VIPR2: variants seen among roughly 807,000 people sequenced by gnomAD.
VIPR2 encodes vasoactive intestinal peptide receptor 2.
In VIPR2, 48 loss-of-function variants were observed where a neutral mutation model predicts 58.0. That is an observed-to-expected ratio of 0.83 (90% CI 0.66 to 1.05). The LOEUF (loss-of-function observed/expected upper bound fraction) is 1.05, where lower values mean the gene tolerates loss of function less well. VIPR2 is among the 50% of genes least tolerant of loss of function. The probability of loss-of-function intolerance (pLI) is 0.00; values close to 1 mark genes in which losing one functional copy is unlikely to be tolerated. For synonymous variants in VIPR2, 243 were observed against 235.2 expected (o/e 1.03, Z -0.30); for missense variants, 534 against 558.0 (o/e 0.96, Z 0.43).
intron 4 of VIPR2, among the ~76,000 whole-genome samples, chr7:159,060,664 T>C (rs2129494086): frequency 6.7e-6 from 1 of 150,266 alleles, no homozygotes; most frequent in African/African-American, 2.5e-5. Context: ...ATGGAACCCA[T>C]CTTCACCTCA....
chr7:159,045,985 G>A (rs1294784018), intron 5 of VIPR2, among the ~76,000 whole-genome samples: 1 of 151,366 alleles, frequency 6.6e-6, no homozygotes, highest in Non-Finnish European at 1.5e-5. Context: ...TATACAAATG[G>A]TCAATAAGCA....
intron 2 of VIPR2, among the ~76,000 whole-genome samples, chr7:159,115,724 C>T (rs1418678036): frequency 6.6e-6 from 1 of 152,246 alleles, no homozygotes; most frequent in Non-Finnish European, 1.5e-5. Flanking sequence ...AGATCACGCC[C>T]CTGACGTGCT....
rs535629140 is a variant in VIPR2, at chr7:159,065,899, G to A, written c.358-7321C>T. Among the ~76,000 whole-genome samples the A allele has an allele frequency of 2.0e-5, 3 of 152,232 alleles. No homozygotes were observed. In the East Asian group the frequency reaches 5.8e-4, roughly 29 times the overall value. On this transcript the variant is annotated intron_variant, in intron 4 of 12. Transcript: ENST00000262178. ...TAGGGAATGAAAGAAGCCACACAGA[G>A]CACAGAGCTGTGAGGTTTGACCTCC...
chr7:159,086,612 G>A (rs1450638900), intron 4 of VIPR2, among the ~76,000 whole-genome samples: 1 of 152,216 alleles, frequency 6.6e-6, no homozygotes, highest in Non-Finnish European at 1.5e-5. Flanking sequence ...TTCTTTCCAG[G>A]GATGCTCTTC....
At chr7:159,143,363 T>C (rs2129498635) in intron 1 of VIPR2, among the ~76,000 whole-genome samples, 1 of 151,914 alleles carries the variant, frequency 6.6e-6, no homozygotes, top group South Asian at 2.1e-4. Context: ...TTGGTCTTGA[T>C]CTTCCCCCTC....
At chr7:159,054,107 C>G (rs1428483204) in intron 5 of VIPR2, among the ~76,000 whole-genome samples, 1 of 152,172 alleles carries the variant, frequency 6.6e-6, no homozygotes, top group East Asian at 1.9e-4. Flanking sequence ...AGAAGCATTG[C>G]AGGCCATAGA....
At chr7:159,062,627 T>A (rs1855763036) in intron 4 of VIPR2, among the ~76,000 whole-genome samples, 1 of 152,124 alleles carries the variant, frequency 6.6e-6, no homozygotes, top group African/African-American at 2.4e-5. Flanking sequence ...CTAGTGAGTA[T>A]TACAGCTCAT....
At chr7:159,144,573 G>A in intron 1 of VIPR2, 148 bp downstream of exon 1, 1 of 1,412,286 alleles carries the variant, frequency 7.1e-7, no homozygotes, top group Non-Finnish European at 9.3e-7. Flanking sequence ...GGAAGCTCCG[G>A]ACCCCGGGCG....
intron 4 of VIPR2, among the ~76,000 whole-genome samples, chr7:159,103,223 G>A (rs1858408294): frequency 6.6e-6 from 1 of 152,180 alleles, no homozygotes; most frequent in South Asian, 2.1e-4. Flanking sequence ...CCCGGATTGG[G>A]GGGTCCCCAA....
chr7:159,035,774 A>G lies in VIPR2; in HGVS notation c.809+178T>C, dbSNP rs1326555428. ...TCTCCTGCACGGGGCTTCCTCCAAC[A>G]CTCCAACCTCACAGGATTTCTCCCC... On this transcript the variant is annotated intron_variant, in intron 8 of 12. Transcript: ENST00000262178. The G allele has an allele frequency of 7.1e-6, 7 of 984,826 alleles. No individual in the cohort carries two copies. The Admixed American group carries it at 3.7e-4, about 52-fold the overall frequency. The allele number at this position is 984,826 out of a possible 1,614,324, so 61.0% of individuals were successfully genotyped here.
chr7:159,096,235 C>T lies in VIPR2; in HGVS notation c.357+7522G>A, dbSNP rs1857833612. Among the ~76,000 whole-genome samples, 1 of 152,252 alleles carries T rather than the reference C, an allele frequency of 6.6e-6. No homozygotes were observed. The highest frequency in any genetic ancestry group is 1.5e-5 in the Non-Finnish European group (1 of 68,044). On this transcript the variant is annotated intron_variant, in intron 4 of 12. Coordinates refer to ENST00000262178, the MANE Select transcript of VIPR2 (RefSeq NM_003382.5). The surrounding 1 kb of genome is among the most constrained non-coding windows in gnomAD (Gnocchi z 5.5). ...CTATCCATCGAGGCCCGGAGAGTTTCAACCCCTGCCTGGGGCCACACACTC... is the reference window on the plus strand; with the variant it reads ...CTATCCATCGAGGCCCGGAGAGTTTTAACCCCTGCCTGGGGCCACACACTC...
chr7:159,096,194 C>T lies in VIPR2; in HGVS notation c.357+7563G>A, dbSNP rs1857830066. ...GAGGTCCCACCCAAGGCTGCCCAAG[C>T]CCAAAGACAGGCCTCCTATCCATCG... On this transcript the variant is annotated intron_variant, in intron 4 of 12. Transcript: ENST00000262178. This position sits in a 1 kb window ranked among gnomAD's most constrained non-coding sequence, Gnocchi z 5.5. Among the ~76,000 whole-genome samples the T allele has an allele frequency of 2.0e-5, 3 of 152,218 alleles. No homozygotes were observed. Among genetic ancestry groups the T allele is most frequent in the Admixed American group, 2.0e-4 (3 of 15,282 alleles).
Position 159,110,866 on chromosome 7 carries a change from C to T in VIPR2, c.152-947G>A, listed in dbSNP as rs555723841. ...TACAGAAATGTCTCTGAAAAGCTGG[C>T]CATAAGCTAAGTTTTGCAGATGAAA... On this transcript the variant is annotated intron_variant, in intron 2 of 12. Transcript: ENST00000262178. 1.2e-4 allele frequency among the ~76,000 whole-genome samples: 19 copies of T among 152,088 alleles called. 1 individual carries two copies. In the East Asian group the frequency reaches 1.4e-3, roughly 11 times the overall value.
Position 159,058,473 on chromosome 7 carries a change from C to G in VIPR2, c.455+8G>C, listed in dbSNP as rs1855450632. 6.2e-7 allele frequency: 1 copy of G among 1,609,398 alleles called. No homozygotes were observed. ...TTCTTTGCAGAATTACTAATTTCTGCTCCTTACCTGAAGAGGCACAGAATT... is the reference window on the plus strand; with the variant it reads ...TTCTTTGCAGAATTACTAATTTCTGGTCCTTACCTGAAGAGGCACAGAATT... On this transcript the variant is annotated splice_region_variant and intron_variant, in intron 5 of 12. Transcript: ENST00000262178.
chr7:159,031,385 G>T lies in VIPR2; in HGVS notation c.1143+443C>A, dbSNP rs1853571553. On this transcript the variant is annotated intron_variant, in intron 12 of 12. Coordinates refer to ENST00000262178, the MANE Select transcript of VIPR2 (RefSeq NM_003382.5). This position sits in a 1 kb window ranked among gnomAD's most constrained non-coding sequence, Gnocchi z 4.0. ...GAGCAGCCCGGAGACAGCCTCCCTG[G>T]CTGGGAATGAACGCAGGGCAGAGCT... The T allele has an allele frequency of 2.1e-6, 2 of 966,448 alleles. No homozygotes were observed. Among genetic ancestry groups the T allele is most frequent in the South Asian group, 9.6e-5 (2 of 20,876 alleles). The allele number at this position is 966,448 out of a possible 1,614,324, so 59.9% of individuals were successfully genotyped here.
intron 4 of VIPR2, among the ~76,000 whole-genome samples, chr7:159,061,991 A>C (rs1855698843): frequency 6.6e-6 from 1 of 152,138 alleles, no homozygotes; most frequent in Non-Finnish European, 1.5e-5. Flanking sequence ...CCTCTAGAGG[A>C]GCCCCGTCCT....
chr7:159,123,120 C>T (rs1208506659), intron 2 of VIPR2, among the ~76,000 whole-genome samples: 1 of 151,876 alleles, frequency 6.6e-6, no homozygotes, highest in East Asian at 1.9e-4. Context: ...TGGTGAAACT[C>T]TGTCTCTGCT....
At chr7:159,140,277 G>A (rs540655159) in intron 2 of VIPR2, among the ~76,000 whole-genome samples, 1 of 152,282 alleles carries the variant, frequency 6.6e-6, no homozygotes, top group African/African-American at 2.4e-5. Context: ...GGCGTCAGGT[G>A]CAAATGCACA....
intron 2 of VIPR2, among the ~76,000 whole-genome samples, chr7:159,114,257 C>T (rs1378946921): frequency 5.3e-5 from 8 of 151,614 alleles, no homozygotes; most frequent in Non-Finnish European, 1.2e-4. Context: ...GAGTGTGCGC[C>T]GAGGCACAGG....
Sources: allele counts gnomAD v4.1 joint callset (sites outside exome capture counted in the v4.1 genomes callset), GRCh38; gene constraint gnomAD v4.1.1; non-coding constraint Gnocchi (gnomAD v3.1); transcripts MANE v1.5; gene names NCBI Gene and HGNC (gene_info 2026-07-23, HGNC 2026-07-21).